Variants in KCND1 observed in about 807,000 individuals in gnomAD.
KCND1 encodes the protein A-type voltage-gated potassium channel KCND1.
Under a neutral mutation model 31.8 loss-of-function variants are expected in KCND1, and 11 were observed. The ratio of observed to expected loss-of-function variants is 0.35; its 90% confidence interval spans 0.22 to 0.57. KCND1 has a LOEUF of 0.57. Ranked by LOEUF, KCND1 falls within the 20% of genes least tolerant of loss-of-function variation. KCND1 has a pLI of 0.85. For synonymous variants in KCND1, 234 were observed against 248.1 expected (o/e 0.94, Z 0.53); for missense variants, 471 against 596.8 (o/e 0.79, Z 2.20).
rs781823065 is a variant in KCND1 at position 48,966,648 on chromosome X, A to G, written c.1397T>C (p.Leu466Pro). 17 of 1,207,965 alleles carry G rather than the reference A, an allele frequency of 1.4e-5. No individual in the cohort carries two copies. Among genetic ancestry groups the G allele is most frequent in the Non-Finnish European group, 2.2e-6 (2 of 894,396 alleles). The change falls in exon 4 of 6, where the codon CTT (leucine) becomes CCT (proline). Residue 466 changes from leucine (L) to proline (P), a missense_variant. Coordinates refer to ENST00000218176, the MANE Select transcript of KCND1 (RefSeq NM_004979.6). ...AAAGGCAGAACGGTTCCTGACACAAAGAGCCTGTTCCTCGCCACTGCCGCT... is the reference window on the plus strand; with the variant it reads ...AAAGGCAGAACGGTTCCTGACACAAGGAGCCTGTTCCTCGCCACTGCCGCT... The part of the protein sequence containing the change: ...EDSGSGEEQA[L>P]CVRNRSAFEQ...
At position 48,971,664 on chromosome X, in the gene KCND1, G is replaced by T. The variant is rs1174445177; in HGVS notation, c.-1393C>A. 1.8e-5 allele frequency: 2 copies of T among 111,772 alleles called. No homozygotes were observed. The highest frequency in any genetic ancestry group is 3.8e-5 in the Non-Finnish European group (2 of 52,989). 9.2% of individuals were successfully genotyped at this position (111,772 alleles called of 1,213,427 possible). Reference sequence around the variant, plus strand: ...GGACTATCCCAGGATGGGTTAGGGCGTGGGGGCTGGACCAGGGAAGGATGA... The same window carrying T: ...GGACTATCCCAGGATGGGTTAGGGCTTGGGGGCTGGACCAGGGAAGGATGA... On this transcript the variant is annotated 5_prime_UTR_variant, in exon 1 of 6. Transcript: ENST00000218176.
intron 5 of KCND1, among the ~76,000 whole-genome samples, chrX:48,965,368 C>T (rs1435550409): frequency 9.0e-6 from 1 of 111,645 alleles, no homozygotes; most frequent in Non-Finnish European, 1.9e-5. Context: ...TGCTTTCTAG[C>T]CCCCATCCCT....
rs2064352308 is a variant in KCND1, at chrX:48,966,218, A to G, written c.1555T>C (p.Ser519Pro). The G allele has an allele frequency of 1.7e-6, 2 of 1,207,076 alleles. No individual in the cohort carries two copies. Among genetic ancestry groups the G allele is most frequent in the African/African-American group, 1.7e-5 (1 of 57,621 alleles). Residue 519 changes from serine (S) to proline (P), a missense_variant, in exon 5 of 6, where the codon TCT becomes CCT. Physicochemically the swap from Ser to Pro is moderately conservative, Grantham distance 74. Coordinates refer to ENST00000218176, the MANE Select transcript of KCND1 (RefSeq NM_004979.6). The part of the protein sequence containing the change: ...GGRTSRSTSV[S>P]SQPVGPGSLL... ...CTTCCGGGTCCCACTGGCTGGGAAGACACAGAGGTGCTACGGCTGGTGCGG... is the reference window on the plus strand; with the variant it reads ...CTTCCGGGTCCCACTGGCTGGGAAGGCACAGAGGTGCTACGGCTGGTGCGG...
Position 48,963,264 on chromosome X carries a change from G to A in KCND1, c.1719-458C>T, listed in dbSNP as rs190794215. On this transcript the variant is annotated intron_variant, in intron 5 of 5. Transcript: ENST00000218176. ...AGATTGAGACCATCCTGGCTAACGC[G>A]GTAAAGCCCCATCTCTACTAAAAAT... Among the ~76,000 whole-genome samples the A allele has an allele frequency of 2.5e-3, 278 of 110,215 alleles. 1 individual carries two copies. The highest frequency in any genetic ancestry group is 3.4e-3 in the Non-Finnish European group (177 of 52,662).
In KCND1 at chrX:48,961,435, C is replaced by T. The variant is rs1234205406; in HGVS notation, c.*1146G>A. On this transcript the variant is annotated 3_prime_UTR_variant, in exon 6 of 6. Coordinates refer to ENST00000218176, the MANE Select transcript of KCND1 (RefSeq NM_004979.6). ...TGGAAACTACATCTTTGTCAGCCACCAGCTCCATGGGGACAGTGCTGGGGA... is the reference window on the plus strand; with the variant it reads ...TGGAAACTACATCTTTGTCAGCCACTAGCTCCATGGGGACAGTGCTGGGGA... The T allele has an allele frequency of 8.9e-6, 1 of 112,710 alleles. No homozygotes were observed. Among genetic ancestry groups the T allele is most frequent in the Non-Finnish European group, 1.9e-5 (1 of 53,350 alleles). The allele number at this position is 112,710 out of a possible 1,213,427, so 9.3% of individuals were successfully genotyped here.
Position 48,969,624 on chromosome X carries a change from C to G in KCND1, c.648G>C (p.Arg216Ser), listed in dbSNP as rs1557058534. 1 of 1,211,220 alleles carries G rather than the reference C, an allele frequency of 8.3e-7. No individual in the cohort carries two copies. Among genetic ancestry groups the G allele is most frequent in the Non-Finnish European group, 1.1e-6 (1 of 895,298 alleles). ...ETIPCRGSAR[R>S]SSREQPCGER... Reference sequence around the variant, plus strand: ...CGCCACAGGGCTGCTCCCTTGAGGACCTGCGTGCAGAGCCGCGGCATGGGA... The same window carrying G: ...CGCCACAGGGCTGCTCCCTTGAGGAGCTGCGTGCAGAGCCGCGGCATGGGA... The change falls in exon 1 of 6, where the codon AGG becomes AGC. Residue 216 changes from arginine to serine, a missense_variant. Arg to Ser is a moderately radical substitution (Grantham distance 110). This residue lies in a region of KCND1 where 212 missense variants were observed against 257.9 expected (regional missense o/e 0.82). Transcript: ENST00000218176.
In KCND1 at chrX:48,971,147, G is replaced by A. The variant is rs2064386004; in HGVS notation, c.-876C>T. 1 of 109,727 alleles carries A rather than the reference G, an allele frequency of 9.1e-6. No individual in the cohort carries two copies. The highest frequency in any genetic ancestry group is 3.9e-4 in the South Asian group (1 of 2,535). The allele number at this position is 109,727 out of a possible 1,213,427, so 9.0% of individuals were successfully genotyped here. A position where few individuals can be genotyped will look rare whatever the true frequency, so the allele number is the denominator to read the frequency against. On this transcript the variant is annotated 5_prime_UTR_variant, in exon 1 of 6. Transcript: ENST00000218176. ...GAGAGGCTGAGAGTTATCTGGGGGA[G>A]GTGGGTATCTAGACGGGCCAACAAA...
In KCND1 at chrX:48,969,482, T is replaced by A. The variant is rs782389638; in HGVS notation, c.790A>T (p.Met264Leu). 1.7e-6 allele frequency: 2 copies of A among 1,211,301 alleles called. No homozygotes were observed. The highest frequency in any genetic ancestry group is 5.9e-5 in the East Asian group (2 of 33,841). The change falls in exon 1 of 6, where the codon ATG becomes TTG. Residue 264 changes from methionine to leucine, a missense_variant. Physicochemically the swap from Met to Leu is conservative, Grantham distance 15. Transcript: ENST00000218176. ...ATGGCCACCACGTCGATGAGGCTCA[T>A]GACACTCCGCAGGAAGCGGCAACGG... ...PSRCRFLRSV[M>L]SLIDVVAILP...
rs188003948 is a variant in KCND1 at position 48,967,418 on chromosome X, G to A, written c.1122-312C>T. On this transcript the variant is annotated intron_variant, in intron 1 of 5. Transcript: ENST00000218176. ...CAGTGAACACAGCCTCCTGGGGAGA[G>A]AGTCCCAGCACCACAGGCCAGCCGA... The A allele has an allele frequency of 3.2e-3, 871 of 270,075 alleles. 15 individuals are homozygous for A. In the Admixed American group the frequency reaches 0.044, roughly 14 times the overall value. 22.3% of individuals were successfully genotyped at this position (270,075 alleles called of 1,213,427 possible).
chrX:48,969,017 G>C (rs1478720657), intron 1 of KCND1, 134 bp downstream of exon 1: 1 of 642,607 alleles, frequency 1.6e-6, no homozygotes, highest in Non-Finnish European at 2.3e-6. Flanking sequence ...TCTTGCCACT[G>C]TACTCCAGCC....
At chrX:48,964,720 C>CA (rs781959853) in intron 5 of KCND1, among the ~76,000 whole-genome samples, 2,576 of 73,398 alleles carry the variant, frequency 0.035, 152 homozygotes, top group African/African-American at 0.14. Flanking sequence ...AACTTCGTCT[C>CA]AAAAAAAAAA....
intron 5 of KCND1, among the ~76,000 whole-genome samples, chrX:48,965,645 G>A (rs1012676895): frequency 1.7e-4 from 19 of 111,309 alleles, no homozygotes; most frequent in African/African-American, 6.2e-4. Flanking sequence ...GGAGGCTGAG[G>A]CAGGTGGATC....
rs782418036 is a variant in KCND1, at chrX:48,969,835, C to T, written c.437G>A (p.Arg146His). Residue 146 changes from arginine (R) to histidine (H), a missense_variant, in exon 1 of 6, where the codon CGC (arginine) becomes CAC (histidine). By Grantham distance (29) the Arg-to-His change is conservative. Coordinates refer to ENST00000218176, the MANE Select transcript of KCND1 (RefSeq NM_004979.6). ...YRDRKKENAE[R>H]LAEDEEAEQA... is the part of the protein sequence containing the mutation. ...CTCTGCCTCCTCATCCTCTGCCAGG[C>T]GCTCGGCATTCTCCTTCTTTCGGTC... The T allele has an allele frequency of 7.4e-6, 9 of 1,210,002 alleles. No homozygotes were observed. The highest frequency in any genetic ancestry group is 5.3e-5 in the South Asian group (3 of 56,649).
chrX:48,966,993 C>T lies in KCND1; in HGVS notation c.1235G>A (p.Ser412Asn). ...LPVPVIVSNF[S>N]RIYHQNQRAD... ...CCGCTGGTTCTGGTGGTAGATGCGGCTAAAGTTGGACACAATGACTGGCAC... is the reference window on the plus strand; with the variant it reads ...CCGCTGGTTCTGGTGGTAGATGCGGTTAAAGTTGGACACAATGACTGGCAC... The change falls in exon 2 of 6, where the codon AGC (serine) becomes AAC (asparagine). Residue 412 changes from serine to asparagine, a missense_variant. Coordinates refer to ENST00000218176, the MANE Select transcript of KCND1 (RefSeq NM_004979.6). 8.3e-7 allele frequency: 1 copy of T among 1,210,458 alleles called. No homozygotes were observed.
Position 48,970,197 on chromosome X carries a change from T to A in KCND1, c.75A>T (p.Gln25His), listed in dbSNP as rs2064379973. 1 of 1,207,982 alleles carries A rather than the reference T, an allele frequency of 8.3e-7. No individual in the cohort carries two copies. Among genetic ancestry groups the A allele is most frequent in the East Asian group, 3.0e-5 (1 of 33,699 alleles). Residue 25 changes from glutamine to histidine, a missense_variant, in exon 1 of 6, where the codon CAA (glutamine) becomes CAT (histidine). Gln to His is a conservative substitution (Grantham distance 24). Transcript: ENST00000218176. The stretch of plus-strand genomic sequence containing the variant: ...TCACCCCCGGTGCCGGGGGCAGGGG[T>A]TGCTGGGCCAGGGGCAGCCAGCCCA... ...AAVGWLPLAQ[Q>H]PLPPAPGVKA...
In KCND1 at chrX:48,966,764, A is replaced by G. The variant is rs2064356111; in HGVS notation, c.1365T>C (p.Leu455=). 8.3e-7 allele frequency: 1 copy of G among 1,206,798 alleles called. No homozygotes were observed. Among genetic ancestry groups the G allele is most frequent in the East Asian group, 3.0e-5 (1 of 33,729 alleles). ...AFLQYKQNGG[L]EDSGSGEEQA... ...CCCTATCCAGGCCCCGACCCACCTC[A>G]AGGCCCCCATTCTGCTTGTACTGCA... The change falls in exon 3 of 6, where the codon CTT becomes CTC. Residue 455 remains leucine, a synonymous_variant. Coordinates refer to ENST00000218176, the MANE Select transcript of KCND1 (RefSeq NM_004979.6).
At chrX:48,963,223 G>A (rs1364550210) in intron 5 of KCND1, among the ~76,000 whole-genome samples, 3 of 110,019 alleles carry the variant, frequency 2.7e-5, no homozygotes, top group Non-Finnish European at 3.8e-5. Flanking sequence ...CGAGGCGGGC[G>A]GATCACGAGA....
At chrX:48,966,030 G>C (rs1557057897) in intron 5 of KCND1, 25 bp downstream of exon 5, 2 of 1,201,382 alleles carry the variant, frequency 1.7e-6, no homozygotes, top group Non-Finnish European at 2.3e-6. Flanking sequence ...CCCAGGTGTG[G>C]CTAGCAGGTA....
rs1290347533 is a variant in KCND1 at position 48,966,787 on chromosome X, G to C, written c.1342C>G (p.Gln448Glu). The C allele has an allele frequency of 4.2e-6, 5 of 1,203,905 alleles. No homozygotes were observed. Among genetic ancestry groups the C allele is most frequent in the Non-Finnish European group, 5.6e-6 (5 of 893,851 alleles). Residue 448 changes from glutamine (Q) to glutamate (E), a missense_variant, in exon 3 of 6, where the codon CAG (glutamine) becomes GAG (glutamate). By Grantham distance (29) the Gln-to-Glu change is conservative (BLOSUM62 2). Coordinates refer to ENST00000218176, the MANE Select transcript of KCND1 (RefSeq NM_004979.6). ...AKSGTTNAFL[Q>E]YKQNGGLEDS... is the part of the protein sequence containing the mutation. ...TCAAGGCCCCCATTCTGCTTGTACT[G>C]CAGGAAGGCATTGGTGGTACCACTC...
Sources: allele counts gnomAD v4.1 joint callset (sites outside exome capture counted in the v4.1 genomes callset), GRCh38; gene constraint gnomAD v4.1.1; regional missense constraint gnomAD v4.1.1; transcripts MANE v1.5; gene names NCBI Gene and HGNC (gene_info 2026-07-23, HGNC 2026-07-21).